Variants in EYA1 observed in about 807,000 individuals in gnomAD.
The protein encoded by EYA1 is protein phosphatase EYA1.
Under a neutral mutation model 82.0 loss-of-function variants are expected in EYA1, and 16 were observed. That is an observed-to-expected ratio of 0.20 (90% CI 0.13 to 0.30). EYA1 has a LOEUF of 0.30. Ranked by LOEUF, EYA1 falls within the 10% of genes least tolerant of loss-of-function variation. The pLI, the probability that EYA1 is intolerant of heterozygous loss-of-function variation, is 1.00. For synonymous variants in EYA1, 261 were observed against 264.4 expected, an observed-to-expected ratio of 0.99 and a Z score of 0.12; for missense variants, 633 against 730.7, an observed-to-expected ratio of 0.87 and a Z score of 1.54.
intron 11 of EYA1, among the ~76,000 whole-genome samples, chr8:71,247,816 T>C (rs1032512179): frequency 2.0e-5 from 3 of 152,146 alleles, no homozygotes; most frequent in Non-Finnish European, 2.9e-5. Context: ...CTAAGGTGTT[T>C]ATTCCCTCTA....
At chr8:71,239,875 C>T (rs973146472) in intron 12 of EYA1, among the ~76,000 whole-genome samples, 1 of 152,206 alleles carries the variant, frequency 6.6e-6, no homozygotes, top group African/African-American at 2.4e-5. Context: ...CTTGAGAAAT[C>T]AACTTCTGAA....
intron 4 of EYA1, among the ~76,000 whole-genome samples, chr8:71,331,147 T>C (rs1823797264): frequency 1.3e-5 from 2 of 151,634 alleles, no homozygotes; most frequent in Admixed American, 1.3e-4. Context: ...GAGAATCACT[T>C]GAACCCAGGA....
At chr8:71,525,740 A>C (rs973293065) in intron 2 of EYA1, among the ~76,000 whole-genome samples, 3 of 152,160 alleles carry the variant, frequency 2.0e-5, no homozygotes, top group African/African-American at 7.2e-5. Flanking sequence ...CTGGCAGAGC[A>C]AAAAAACCTC....
chr8:71,210,441 G>T (rs1274076709), intron 17 of EYA1, among the ~76,000 whole-genome samples: 1 of 152,146 alleles, frequency 6.6e-6, no homozygotes, highest in Non-Finnish European at 1.5e-5. Flanking sequence ...AGATCAGAAA[G>T]GCAGGCTGTA....
rs371426335 is a variant in EYA1, at chr8:71,372,585, T to C, written c.34-16074A>G. On this transcript the variant is annotated intron_variant, in intron 2 of 18. Transcript: ENST00000643681. The stretch of plus-strand genomic sequence containing the variant: ...AAAGGAAATTCTAGAATGATAGCTA[T>C]ACCCTAGGCATGACAGTCCAGATTG... 7.2e-5 allele frequency among the ~76,000 whole-genome samples: 11 copies of C among 152,198 alleles called. No individual in the cohort carries two copies. The South Asian group carries it at 2.3e-3, about 32-fold the overall frequency.
chr8:71,352,065 G>A (rs967341131), intron 3 of EYA1, among the ~76,000 whole-genome samples: 4 of 152,072 alleles, frequency 2.6e-5, no homozygotes, highest in African/African-American at 9.7e-5. Context: ...TAGAGTTAGG[G>A]GAGGTGATTG....
intron 2 of EYA1, among the ~76,000 whole-genome samples, chr8:71,418,777 A>C (rs1830990927): frequency 6.6e-6 from 1 of 152,156 alleles, no homozygotes; most frequent in Non-Finnish European, 1.5e-5. Context: ...AGTGCTGTGA[A>C]GAAGGAAGTG....
chr8:71,255,409 A>G (rs565187051), intron 11 of EYA1, among the ~76,000 whole-genome samples: 110 of 152,360 alleles, frequency 7.2e-4, no homozygotes, highest in Middle Eastern at 3.4e-3. Flanking sequence ...GTACAGACCA[A>G]TGGAATATAG....
rs117589702 is a variant in EYA1, at chr8:71,526,817, C to T, written c.33+8927G>A. Among the ~76,000 whole-genome samples the T allele has an allele frequency of 2.7e-4, 41 of 152,270 alleles. No individual in the cohort carries two copies. The East Asian group carries it at 7.2e-3, about 27-fold the overall frequency. On this transcript the variant is annotated intron_variant, in intron 2 of 18. Transcript: ENST00000643681. ...GAATTGAGTCACTAAGTCCAGACTA[C>T]ACTCAAGGAGAGGGTTCATCCAAAG...
At position 71,391,594 on chromosome 8, in the gene EYA1, TA is replaced by T. The variant is rs1411883914; in HGVS notation, c.34-35084del. 5.3e-5 allele frequency among the ~76,000 whole-genome samples: 8 copies of T among 152,306 alleles called. No individual in the cohort carries two copies. The East Asian group carries it at 1.5e-3, about 29-fold the overall frequency. On this transcript the variant is annotated intron_variant, in intron 2 of 18. Coordinates refer to the EYA1 transcript ENST00000643681. Reference sequence around the variant, plus strand: ...AAATCTTATGGAGAACGTTGATTTTTATTTTATTTTTAATTTTGTTTAGCAG... The same window carrying T: ...AAATCTTATGGAGAACGTTGATTTTTTTTTATTTTTAATTTTGTTTAGCAG...
At chr8:71,339,893 C>A (rs7011320) in intron 3 of EYA1, among the ~76,000 whole-genome samples, 6,922 of 152,250 alleles carry the variant, frequency 0.045, 513 homozygotes, top group African/African-American at 0.16. Context: ...TTTGACTACT[C>A]TGTGGTTCTA....
intron 2 of EYA1, among the ~76,000 whole-genome samples, chr8:71,443,729 A>G (rs1215085504): frequency 1.3e-5 from 2 of 152,192 alleles, no homozygotes; most frequent in Non-Finnish European, 2.9e-5. Flanking sequence ...TTGCCCTGAC[A>G]TGCCACTGAA....
intron 2 of EYA1, among the ~76,000 whole-genome samples, chr8:71,525,595 A>G (rs1364040467): frequency 1.3e-5 from 2 of 152,198 alleles, no homozygotes; most frequent in African/African-American, 4.8e-5. Context: ...TTTATAATCC[A>G]ATTTTTGTAA....
intron 7 of EYA1, among the ~76,000 whole-genome samples, chr8:71,313,565 T>C (rs1323284643): frequency 6.6e-6 from 1 of 152,160 alleles, no homozygotes; most frequent in Non-Finnish European, 1.5e-5. Flanking sequence ...GTACCACAGG[T>C]TGGTCAGAGT....
chr8:71,506,054 A>C (rs1812170697), intron 2 of EYA1, among the ~76,000 whole-genome samples: 1 of 152,130 alleles, frequency 6.6e-6, no homozygotes. Context: ...AAGTTTCCTG[A>C]GGTCTTCCCG....
intron 11 of EYA1, among the ~76,000 whole-genome samples, chr8:71,266,439 T>C (rs899373744): frequency 5.9e-5 from 9 of 152,172 alleles, no homozygotes; most frequent in Non-Finnish European, 8.8e-5. Context: ...AGCCAATTCT[T>C]ATCAACTGTA....
chr8:71,402,751 G>A (rs9643626), intron 2 of EYA1, among the ~76,000 whole-genome samples: 33,475 of 151,892 alleles, frequency 0.22, 4,203 homozygotes, highest in Middle Eastern at 0.32. Flanking sequence ...TTTTGGCATA[G>A]GAATATATAC....
At chr8:71,513,260 CTA>C (rs998505367) in intron 2 of EYA1, among the ~76,000 whole-genome samples, 52 of 151,992 alleles carry the variant, frequency 3.4e-4, no homozygotes, top group African/African-American at 1.2e-3. Flanking sequence ...TAAGATAAAA[CTA>C]TTAGAATTTT....
At position 71,487,536 on chromosome 8, in the gene EYA1, C is replaced by T. The variant is rs147635558; in HGVS notation, c.33+48208G>A. Among the ~76,000 whole-genome samples the T allele has an allele frequency of 2.5e-3, 382 of 152,290 alleles. 2 individuals are homozygous for T. Among genetic ancestry groups the T allele is most frequent in the African/African-American group, 8.8e-3 (365 of 41,564 alleles). ...TTGCCAGAGAATATTATATGCAACC[C>T]TCTTTACTGCCTAACTCTACCAAAA... On this transcript the variant is annotated intron_variant, in intron 2 of 18. Transcript: ENST00000643681.
Sources: gnomAD v4.1 joint callset for allele counts (sites outside exome capture counted in the v4.1 genomes callset) on GRCh38, gnomAD v4.1.1 for gene constraint, MANE v1.5 for transcripts, NCBI Gene and HGNC (gene_info 2026-07-23, HGNC 2026-07-21) for gene names.